The following ZNF704 variants were observed in gnomAD, a reference collection of about 807,000 sequenced individuals.
The protein encoded by ZNF704 is glucocorticoid induced gene 1.
In ZNF704, 10 loss-of-function variants were observed where a neutral mutation model predicts 44.7. The observed-to-expected ratio is 0.22, with a 90% confidence interval of 0.14 to 0.38. The LOEUF is 0.38. Ranked by LOEUF, ZNF704 falls within the 10% of genes least tolerant of loss-of-function variation. The probability of loss-of-function intolerance (pLI) is 1.00; values close to 1 mark genes in which losing one functional copy is unlikely to be tolerated. For synonymous variants in ZNF704, 211 were observed against 207.6 expected, an observed-to-expected ratio of 1.02 and a Z score of -0.14; for missense variants, 390 against 545.5, an observed-to-expected ratio of 0.71 and a Z score of 2.84.
At chr8:80,748,661 T>C (rs1806887919) in intron 2 of ZNF704, among the ~76,000 whole-genome samples, 1 of 152,176 alleles carries the variant, frequency 6.6e-6, no homozygotes, top group African/African-American at 2.4e-5. Context: ...GAAAGCAACT[T>C]ATTCTTGGGT....
intron 6 of ZNF704, 139 bp downstream of exon 6, chr8:80,664,676 A>C (rs1818160546): frequency 9.6e-7 from 1 of 1,039,882 alleles, no homozygotes. Flanking sequence ...CTTAGGCTTT[A>C]AAGGGAGAAA....
At chr8:80,696,370 T>C (rs2131640301) in intron 2 of ZNF704, among the ~76,000 whole-genome samples, 1 of 152,344 alleles carries the variant, frequency 6.6e-6, no homozygotes, top group Middle Eastern at 3.4e-3. Flanking sequence ...ACAGGTTGAG[T>C]ATTCCTTATC....
At chr8:80,721,189 G>A (rs1819160592) in intron 2 of ZNF704, among the ~76,000 whole-genome samples, 1 of 152,188 alleles carries the variant, frequency 6.6e-6, no homozygotes, top group South Asian at 2.1e-4. Flanking sequence ...ATGAACTGTA[G>A]TAGATGTTTG....
chr8:80,729,825 C>T (rs986384657), intron 2 of ZNF704, among the ~76,000 whole-genome samples: 1 of 152,134 alleles, frequency 6.6e-6, no homozygotes, highest in Admixed American at 6.5e-5. Context: ...TTCACTGAAG[C>T]AGGGCTGAAT....
chr8:80,751,294 A>T (rs1051855155), intron 2 of ZNF704, among the ~76,000 whole-genome samples: 1 of 152,130 alleles, frequency 6.6e-6, no homozygotes, highest in Non-Finnish European at 1.5e-5. Flanking sequence ...GTTTACAGTG[A>T]CAATACAAGA....
intron 7 of ZNF704, among the ~76,000 whole-genome samples, chr8:80,645,723 G>A (rs1480212952): frequency 2.0e-5 from 3 of 152,140 alleles, no homozygotes; most frequent in Non-Finnish European, 1.5e-5. Context: ...TGTGCTTCCT[G>A]TACAGCCTGT....
At chr8:80,691,863 G>T (rs1371800810) in intron 3 of ZNF704, among the ~76,000 whole-genome samples, 1 of 152,112 alleles carries the variant, frequency 6.6e-6, no homozygotes, top group Non-Finnish European at 1.5e-5. Context: ...ACCTGCCCCA[G>T]TGAATGTCCT....
intron 4 of ZNF704, among the ~76,000 whole-genome samples, chr8:80,673,627 C>T (rs1818315811): frequency 1.3e-5 from 2 of 152,202 alleles, no homozygotes; most frequent in Admixed American, 1.3e-4. Context: ...TAGAAGACGA[C>T]TCATCAGCTA....
chr8:80,712,917 C>T (rs1423069755), intron 2 of ZNF704, among the ~76,000 whole-genome samples: 3 of 151,594 alleles, frequency 2.0e-5, no homozygotes, highest in Admixed American at 6.6e-5. Flanking sequence ...TTTTTTGAGA[C>T]AGAATTTTGC....
At chr8:80,782,536 C>T (rs1807544895) in intron 2 of ZNF704, among the ~76,000 whole-genome samples, 2 of 152,110 alleles carry the variant, frequency 1.3e-5, no homozygotes, top group African/African-American at 4.8e-5. Context: ...GTCCACTGTA[C>T]TCTGAAATAA....
In ZNF704 at chr8:80,634,277, G is replaced by A. The variant is rs1015729179; in HGVS notation, c.*7089C>T. 6.6e-6 allele frequency: 1 copy of A among 152,268 alleles called. No individual in the cohort carries two copies. Among genetic ancestry groups the A allele is most frequent in the Admixed American group, 6.5e-5 (1 of 15,292 alleles). The allele number at this position is 152,268 out of a possible 1,614,324, so 9.4% of individuals were successfully genotyped here. A position where few individuals can be genotyped will look rare whatever the true frequency, so the allele number is the denominator to read the frequency against. Reference sequence around the variant, plus strand: ...GGGCACAGCCTGGGCATGCCAAAAGGAGGCAGAGTGAGAGAGCTGGATAAC... The same window carrying A: ...GGGCACAGCCTGGGCATGCCAAAAGAAGGCAGAGTGAGAGAGCTGGATAAC... On this transcript the variant is annotated 3_prime_UTR_variant, in exon 9 of 9. Coordinates refer to ENST00000327835, the MANE Select transcript of ZNF704 (RefSeq NM_001033723.3).
chr8:80,867,079 T>C (rs1316280550), intron 1 of ZNF704, among the ~76,000 whole-genome samples: 3 of 152,168 alleles, frequency 2.0e-5, no homozygotes, highest in Non-Finnish European at 2.9e-5. Flanking sequence ...TGACATCTTC[T>C]AGGCAAGTTT....
chr8:80,661,777 G>A (rs142494565), intron 6 of ZNF704, among the ~76,000 whole-genome samples: 1 of 152,282 alleles, frequency 6.6e-6, no homozygotes, highest in Admixed American at 6.5e-5. Flanking sequence ...GATAGTTACA[G>A]GAGATGGGGA....
chr8:80,649,828 C>T (rs1817888022), intron 7 of ZNF704, among the ~76,000 whole-genome samples: 1 of 152,226 alleles, frequency 6.6e-6, no homozygotes, highest in South Asian at 2.1e-4. Context: ...ATTCTCCCAG[C>T]ACGCAGCTGG....
chr8:80,703,341 C>G (rs911766057), intron 2 of ZNF704, among the ~76,000 whole-genome samples: 4 of 152,132 alleles, frequency 2.6e-5, no homozygotes, highest in Non-Finnish European at 5.9e-5. Flanking sequence ...TTCCACCTGC[C>G]AAGGGCCAGG....
At chr8:80,868,857 T>C (rs1294639841) in intron 1 of ZNF704, among the ~76,000 whole-genome samples, 4 of 152,184 alleles carry the variant, frequency 2.6e-5, no homozygotes, top group Non-Finnish European at 4.4e-5. Context: ...TCTATCATCA[T>C]ACACTTGCCA....
intron 1 of ZNF704, among the ~76,000 whole-genome samples, chr8:80,840,541 C>A (rs1172674030): frequency 6.6e-6 from 1 of 152,126 alleles, no homozygotes; most frequent in Non-Finnish European, 1.5e-5. Flanking sequence ...GTATAAGACA[C>A]TTCATTAAAA....
intron 2 of ZNF704, among the ~76,000 whole-genome samples, chr8:80,774,079 A>G (rs112897685): frequency 0.061 from 9,059 of 148,880 alleles, 314 homozygotes; most frequent in Middle Eastern, 0.13. Context: ...ACAGGGTCTC[A>G]CTCTGTTGCG....
At chr8:80,830,138 C>G (rs982076694) in intron 1 of ZNF704, among the ~76,000 whole-genome samples, 12 of 151,884 alleles carry the variant, frequency 7.9e-5, no homozygotes, top group African/African-American at 2.9e-4. Context: ...TATATAACGT[C>G]GAGTCTTAAG....
Sources: allele counts gnomAD v4.1 joint callset (sites outside exome capture counted in the v4.1 genomes callset), GRCh38; gene constraint gnomAD v4.1.1; transcripts MANE v1.5; gene names NCBI Gene and HGNC (gene_info 2026-07-23, HGNC 2026-07-21).